The following ADARB2 variants were observed in gnomAD, a reference collection of about 807,000 sequenced individuals.
The protein encoded by ADARB2 is inactive double-stranded RNA-specific editase B2.
ADARB2 carries 25 observed loss-of-function variants against 62.2 expected under a neutral mutation model. That is an observed-to-expected ratio of 0.40 (90% CI 0.29 to 0.56). The LOEUF is 0.56. ADARB2 is among the 20% of genes least tolerant of loss of function. ADARB2 has a pLI of 0.43. For synonymous variants in ADARB2, 572 were observed against 500.8 expected, an observed-to-expected ratio of 1.14 and a Z score of -1.90; for missense variants, 1,071 against 1,077.4, an observed-to-expected ratio of 0.99 and a Z score of 0.08.
At chr10:1,549,991 AAC>A (rs1397885160) in intron 1 of ADARB2, among the ~76,000 whole-genome samples, 1 of 152,186 alleles carries the variant, frequency 6.6e-6, no homozygotes, top group Non-Finnish European at 1.5e-5. Context: ...TCCAAAACAC[AAC>A]ACACCATATT....
chr10:1,565,905 C>A (rs573756430), intron 1 of ADARB2, among the ~76,000 whole-genome samples: 7 of 152,060 alleles, frequency 4.6e-5, no homozygotes, highest in African/African-American at 1.2e-4. Flanking sequence ...TAACTCTGCA[C>A]CCCACCCTAT....
At chr10:1,675,919 G>A (rs75366469) in intron 1 of ADARB2, 50,519 of 855,378 alleles carry the variant, frequency 0.059, 1,620 homozygotes, top group Middle Eastern at 0.08. Context: ...AGAGGTCCGC[G>A]TGGGTCAGAG....
intron 7 of ADARB2, 95 bp from the exon 8 acceptor site, chr10:1,200,242 C>CA (rs1451977842): frequency 6.0e-6 from 9 of 1,500,326 alleles, no homozygotes; most frequent in Non-Finnish European, 7.3e-6. Flanking sequence ...GAGGACCTGT[C>CA]AGTCTTCCCA....
At chr10:1,622,314 C>T (rs545625135) in intron 1 of ADARB2, among the ~76,000 whole-genome samples, 7 of 152,206 alleles carry the variant, frequency 4.6e-5, no homozygotes, top group Non-Finnish European at 8.8e-5. Flanking sequence ...ATAAAAGGCA[C>T]AATTCATTAA....
intron 3 of ADARB2, among the ~76,000 whole-genome samples, chr10:1,358,315 A>T: frequency 6.6e-6 from 1 of 152,182 alleles, no homozygotes; most frequent in East Asian, 1.9e-4. Context: ...GTCGGATAGG[A>T]GAGAAACCTG....
At chr10:1,732,328 A>AAAAAAC (rs1554739400) in intron 1 of ADARB2, among the ~76,000 whole-genome samples, 16 of 146,872 alleles carry the variant, frequency 1.1e-4, no homozygotes, top group African/African-American at 3.5e-4. Context: ...AAAAAAAAAA[A>AAAAAAC]AATTTCCTTT....
chr10:1,242,039 G>T, intron 5 of ADARB2, 92 bp downstream of exon 5: 1 of 1,339,358 alleles, frequency 7.5e-7, no homozygotes, highest in Non-Finnish European at 1.0e-6. Context: ...AGAGGGAAGC[G>T]TGTTCTGAGC....
intron 1 of ADARB2, among the ~76,000 whole-genome samples, chr10:1,554,111 C>T (rs1832667873): frequency 6.6e-6 from 1 of 152,194 alleles, no homozygotes; most frequent in African/African-American, 2.4e-5. Context: ...CCCCCAGGCT[C>T]ATCTCAGCGG....
At position 1,207,968 on chromosome 10, in the gene ADARB2, G is replaced by A. The variant is rs553324414; in HGVS notation, c.1683-7821C>T. Among the ~76,000 whole-genome samples the A allele has an allele frequency of 7.2e-5, 11 of 152,310 alleles. 1 individual carries two copies. In the South Asian group the frequency reaches 1.9e-3, roughly 26 times the overall value. On this transcript the variant is annotated intron_variant, in intron 7 of 9. Transcript: ENST00000381312. Reference sequence around the variant, plus strand: ...CCATAGAGCTGGAAAAACAGGCCGCGTCCACAGGCCTTCAGGATGGGACTG... The same window carrying A: ...CCATAGAGCTGGAAAAACAGGCCGCATCCACAGGCCTTCAGGATGGGACTG...
chr10:1,262,129 C>G (rs551377916), intron 4 of ADARB2, among the ~76,000 whole-genome samples: 1,382 of 105,126 alleles, frequency 0.013, 20 homozygotes, highest in Middle Eastern at 0.065. Context: ...ATATCACACT[C>G]TGGGGACTGT....
intron 1 of ADARB2, among the ~76,000 whole-genome samples, chr10:1,580,278 C>T (rs1833079038): frequency 6.6e-6 from 1 of 152,166 alleles, no homozygotes; most frequent in South Asian, 2.1e-4. Flanking sequence ...CTGCCCTCCA[C>T]CATCAAGCAG....
At chr10:1,186,380 C>A in intron 8 of ADARB2, 1 of 447,600 alleles carries the variant, frequency 2.2e-6, no homozygotes. Flanking sequence ...AGTGAGTCGG[C>A]AGGGAGTCCA....
intron 2 of ADARB2, among the ~76,000 whole-genome samples, chr10:1,368,305 G>A (rs1395536929): frequency 6.6e-6 from 1 of 152,180 alleles, no homozygotes; most frequent in African/African-American, 2.4e-5. Context: ...GCACATCAAT[G>A]GGCTGAGTGA....
At chr10:1,461,512 A>G (rs553831859) in intron 1 of ADARB2, among the ~76,000 whole-genome samples, 8 of 118,718 alleles carry the variant, frequency 6.7e-5, no homozygotes, top group African/African-American at 2.2e-4. Context: ...CTGTGCATAT[A>G]TATTTTTTTT....
intron 3 of ADARB2, among the ~76,000 whole-genome samples, chr10:1,274,083 C>T (rs1831290797): frequency 6.6e-6 from 1 of 152,218 alleles, no homozygotes; most frequent in South Asian, 2.1e-4. Flanking sequence ...CTGAGATAAA[C>T]CTTGAAGGAT....
intron 3 of ADARB2, among the ~76,000 whole-genome samples, chr10:1,345,090 G>T (rs1832066673): frequency 6.6e-6 from 1 of 152,052 alleles, no homozygotes; most frequent in Non-Finnish European, 1.5e-5. Flanking sequence ...AACCGCCGCA[G>T]CCTCGGGTGT....
At chr10:1,202,837 G>A (rs1044144104) in intron 7 of ADARB2, among the ~76,000 whole-genome samples, 7 of 152,214 alleles carry the variant, frequency 4.6e-5, no homozygotes, top group Non-Finnish European at 1.0e-4. Context: ...AGACGCCTCC[G>A]TGTTAGAGGC....
rs779970621 is a variant in ADARB2 at position 1,233,691 on chromosome 10, T to TA, written c.1513+2dup. 1 of 1,611,468 alleles carries TA rather than the reference T, an allele frequency of 6.2e-7. No individual in the cohort carries two copies. Among genetic ancestry groups the TA allele is most frequent in the Non-Finnish European group, 8.5e-7 (1 of 1,178,644 alleles). On this transcript the variant is annotated splice_region_variant and intron_variant, in intron 6 of 9. Transcript: ENST00000381312. ...TACAGAAGGTAAAAGCATGGTCTCT[T>TA]ACGGTCTGTGGTGATCTCGTAGGGA...
chr10:1,676,108 A>G (rs2119111751), intron 1 of ADARB2: 1 of 980,178 alleles, frequency 1.0e-6, no homozygotes, highest in Non-Finnish European at 1.2e-6. Context: ...TTGCAGGCAT[A>G]TTAGGACAAA....
Sources: gnomAD v4.1 joint callset for allele counts (sites outside exome capture counted in the v4.1 genomes callset) on GRCh38, gnomAD v4.1.1 for gene constraint, MANE v1.5 for transcripts, NCBI Gene and HGNC (gene_info 2026-07-23, HGNC 2026-07-21) for gene names.